The following WDR7 variants were observed in gnomAD, a reference collection of about 807,000 sequenced individuals.
The protein encoded by WDR7 is WD repeat-containing protein 7.
In WDR7, 46 loss-of-function variants were observed where a neutral mutation model predicts 169.4. That is an observed-to-expected ratio of 0.27 (90% CI 0.21 to 0.35). The LOEUF is 0.35. Ranked by LOEUF, WDR7 falls within the 10% of genes least tolerant of loss-of-function variation. WDR7 has a pLI of 1.00. For missense variants in WDR7, 1,534 were observed against 1,859.3 expected, an observed-to-expected ratio of 0.83 and a Z score of 3.22; for synonymous variants, 612 against 666.8, an observed-to-expected ratio of 0.92 and a Z score of 1.27.
chr18:56,908,842 T>C (rs1013778444), intron 21 of WDR7, among the ~76,000 whole-genome samples: 1 of 152,184 alleles, frequency 6.6e-6, no homozygotes, highest in Non-Finnish European at 1.5e-5. Context: ...TTGCACTGTT[T>C]TTTCTTAGTT....
At chr18:56,737,633 C>T (rs1448751677) in intron 14 of WDR7, among the ~76,000 whole-genome samples, 1 of 152,060 alleles carries the variant, frequency 6.6e-6, no homozygotes, top group South Asian at 2.1e-4. Context: ...TTCTGTGTAA[C>T]GAGGCAAGAG....
intron 26 of WDR7, among the ~76,000 whole-genome samples, chr18:56,983,115 G>T (rs999874393): frequency 1.3e-5 from 2 of 152,158 alleles, no homozygotes; most frequent in African/African-American, 2.4e-5. Flanking sequence ...GGTGTGAAGG[G>T]ACAACAAGGG....
rs34219015 is a variant in WDR7, at chr18:56,935,887, C to A, written c.3813C>A (p.Ile1271=). Reference sequence around the variant, plus strand: ...CCACCGCCAGACCACCCGCCTTCATCACCACCATAGCCAAAGAGGTGAGCG... The same window carrying A: ...CCACCGCCAGACCACCCGCCTTCATAACCACCATAGCCAAAGAGGTGAGCG... ...LIATARPPAF[I]TTIAKEVHRH... The change falls in exon 23 of 28, where the codon ATC becomes ATA. Residue 1271 remains isoleucine (I), a synonymous_variant. Transcript: ENST00000254442. 2.9e-3 allele frequency: 4,742 copies of A among 1,613,978 alleles called. 120 individuals are homozygous for A. The African/African-American group carries it at 0.055, about 19-fold the overall frequency.
At chr18:56,758,318 A>G (rs2144951010) in intron 15 of WDR7, among the ~76,000 whole-genome samples, 1 of 152,274 alleles carries the variant, frequency 6.6e-6, no homozygotes, top group East Asian at 1.9e-4. Context: ...CCTTAACCCT[A>G]TGAGGTATGT....
At chr18:56,743,078 G>A (rs1467681166) in intron 14 of WDR7, among the ~76,000 whole-genome samples, 6 of 152,312 alleles carry the variant, frequency 3.9e-5, no homozygotes, top group African/African-American at 9.6e-5. Context: ...GTGAGACTTC[G>A]TGATTGCTTA....
At chr18:56,920,628 A>G (rs969904439) in intron 21 of WDR7, among the ~76,000 whole-genome samples, 1 of 152,206 alleles carries the variant, frequency 6.6e-6, no homozygotes, top group African/African-American at 2.4e-5. Context: ...TTGATGCTCA[A>G]TGGTAGCATC....
chr18:56,973,493 T>TGG (rs371661600), intron 26 of WDR7, among the ~76,000 whole-genome samples: 1 of 151,558 alleles, frequency 6.6e-6, no homozygotes, highest in Non-Finnish European at 1.5e-5. Flanking sequence ...ATATTGTGTG[T>TGG]GGGGGGGGTG....
intron 25 of WDR7, among the ~76,000 whole-genome samples, chr18:56,954,012 T>C (rs1350201137): frequency 6.6e-6 from 1 of 152,170 alleles, no homozygotes; most frequent in Non-Finnish European, 1.5e-5. Context: ...AACTGAACAA[T>C]GCATGTAATG....
At chr18:56,864,296 T>C (rs374641803) in intron 20 of WDR7, among the ~76,000 whole-genome samples, 16 of 151,690 alleles carry the variant, frequency 1.1e-4, no homozygotes, top group Middle Eastern at 4.3e-3. Context: ...TCAAATATCA[T>C]CTGGTTAAAT....
chr18:56,820,311 A>G (rs923679090), intron 20 of WDR7, among the ~76,000 whole-genome samples: 1 of 145,444 alleles, frequency 6.9e-6, no homozygotes, highest in Non-Finnish European at 1.5e-5. Context: ...AAAAACGATG[A>G]TAAAGGGTCA....
intron 20 of WDR7, among the ~76,000 whole-genome samples, chr18:56,840,223 C>T (rs979090999): frequency 6.6e-6 from 1 of 151,994 alleles, no homozygotes. Flanking sequence ...AAGAGTGAGC[C>T]ATCCGTGACA....
intron 1 of WDR7, among the ~76,000 whole-genome samples, chr18:56,658,815 C>T (rs1173848450): frequency 3.3e-5 from 5 of 152,084 alleles, no homozygotes; most frequent in South Asian, 4.1e-4. Context: ...TGGGTTCAAG[C>T]GATTCTCCTG....
chr18:56,685,943 C>G lies in WDR7; in HGVS notation c.521-13C>G. On this transcript the variant is annotated splice_polypyrimidine_tract_variant and intron_variant, in intron 5 of 27. Coordinates refer to ENST00000254442, the MANE Select transcript of WDR7 (RefSeq NM_015285.3). ...CGTAACCTGGGCTGCTTTTTTGTCC[C>G]TTCTCATTTTAGAGGACACAGTGGT... 6.3e-7 allele frequency: 1 copy of G among 1,592,324 alleles called. No homozygotes were observed.
intron 16 of WDR7, 108 bp from the exon 17 acceptor site, chr18:56,776,674 T>A: frequency 1.2e-6 from 1 of 856,120 alleles, no homozygotes; most frequent in Non-Finnish European, 2.0e-6. Flanking sequence ...TTCTACATTC[T>A]CTGTTTTGCC....
rs1371025488 is a variant in WDR7 at position 56,672,558 on chromosome 18, C to G, written c.43C>G (p.Arg15Gly). The change falls in exon 2 of 28, where the codon CGA becomes GGA. Residue 15 changes from arginine (R) to glycine (G), a missense_variant. By Grantham distance (125) the Arg-to-Gly change is moderately radical. Transcript: ENST00000254442. ...TGTTCTACCCATTGTTCTTTGGGGT[C>G]GAAAAGCGCCCACACATTGCATCTC... ...SLVLPIVLWG[R>G]KAPTHCISAV... 1.9e-6 allele frequency: 3 copies of G among 1,610,492 alleles called. No homozygotes were observed. The highest frequency in any genetic ancestry group is 2.2e-5 in the South Asian group (2 of 90,536).
chr18:56,655,030 T>C, intron 1 of WDR7, among the ~76,000 whole-genome samples: 1 of 152,216 alleles, frequency 6.6e-6, no homozygotes, highest in African/African-American at 2.4e-5. Context: ...TTTAACTCTA[T>C]GGTTTTGTAG....
chr18:56,888,700 C>T (rs2145514017), intron 21 of WDR7, among the ~76,000 whole-genome samples: 1 of 152,274 alleles, frequency 6.6e-6, no homozygotes, highest in Non-Finnish European at 1.5e-5. Flanking sequence ...CTCTTCTGCT[C>T]ATTTTATAAT....
chr18:56,904,080 T>TC (rs1023469664), intron 21 of WDR7, among the ~76,000 whole-genome samples: 17 of 151,762 alleles, frequency 1.1e-4, no homozygotes, highest in Admixed American at 6.6e-4. Context: ...AATAATTTTT[T>TC]TTTTTTTGAG....
At chr18:56,894,567 A>G (rs1390439874) in intron 21 of WDR7, among the ~76,000 whole-genome samples, 1 of 151,964 alleles carries the variant, frequency 6.6e-6, no homozygotes, top group East Asian at 1.9e-4. Flanking sequence ...TTCCTCCCCC[A>G]TATCCAGTCC....
Sources: gnomAD v4.1 joint callset for allele counts (sites outside exome capture counted in the v4.1 genomes callset) on GRCh38, gnomAD v4.1.1 for gene constraint, MANE v1.5 for transcripts, NCBI Gene and HGNC (gene_info 2026-07-23, HGNC 2026-07-21) for gene names.